PLPPR1: variants seen among roughly 807,000 people sequenced by gnomAD.
The protein encoded by PLPPR1 is phospholipid phosphatase related 1, also known as phospholipid phosphatase-related protein type 1.
PLPPR1 carries 10 observed loss-of-function variants against 33.1 expected under a neutral mutation model. The ratio of observed to expected loss-of-function variants is 0.30; its 90% confidence interval spans 0.19 to 0.51. The LOEUF is 0.51. Ranked by LOEUF, PLPPR1 falls within the 20% of genes least tolerant of loss-of-function variation. The pLI, the probability that PLPPR1 is intolerant of heterozygous loss-of-function variation, is 0.97. For missense variants in PLPPR1, 304 were observed against 408.1 expected, an observed-to-expected ratio of 0.74 and a Z score of 2.20; for synonymous variants, 151 against 151.0, an observed-to-expected ratio of 1.00 and a Z score of 0.00.
At chr9:101,289,075 C>T (rs1828447282) in intron 4 of PLPPR1, among the ~76,000 whole-genome samples, 1 of 152,184 alleles carries the variant, frequency 6.6e-6, no homozygotes, top group African/African-American at 2.4e-5. Flanking sequence ...GAGGCCCTCT[C>T]CCATCATGCT....
At chr9:101,085,688 G>A (rs750875330) in intron 1 of PLPPR1, among the ~76,000 whole-genome samples, 2 of 152,168 alleles carry the variant, frequency 1.3e-5, no homozygotes, top group African/African-American at 4.8e-5. Context: ...AATGGATCCC[G>A]TTATTCCTCA....
chr9:101,038,733 G>T (rs752172495), intron 1 of PLPPR1, among the ~76,000 whole-genome samples: 2 of 152,108 alleles, frequency 1.3e-5, no homozygotes, highest in Non-Finnish European at 2.9e-5. Flanking sequence ...CGGATTTCTG[G>T]CGCATTGAAA....
intron 2 of PLPPR1, among the ~76,000 whole-genome samples, chr9:101,202,165 C>G (rs16920059): frequency 2.0e-5 from 3 of 152,112 alleles, no homozygotes; most frequent in Non-Finnish European, 4.4e-5. Context: ...ATTGTATAAG[C>G]AATCACAAAT....
intron 2 of PLPPR1, among the ~76,000 whole-genome samples, chr9:101,232,149 T>C (rs754118756): frequency 5.3e-5 from 8 of 152,026 alleles, no homozygotes; most frequent in Non-Finnish European, 8.8e-5. Flanking sequence ...TTGAACTGAT[T>C]TGTGGGAGGC....
At chr9:101,232,696 G>A (rs941181333) in intron 2 of PLPPR1, among the ~76,000 whole-genome samples, 3 of 151,822 alleles carry the variant, frequency 2.0e-5, no homozygotes, top group Non-Finnish European at 2.9e-5. Flanking sequence ...CTACATCTGT[G>A]TTTTCATGGA....
At chr9:101,032,422 T>C (rs189704672) in intron 1 of PLPPR1, among the ~76,000 whole-genome samples, 1 of 152,262 alleles carries the variant, frequency 6.6e-6, no homozygotes, top group Non-Finnish European at 1.5e-5. Flanking sequence ...GAGATGTATC[T>C]GAAAGACAAG....
intron 4 of PLPPR1, among the ~76,000 whole-genome samples, chr9:101,308,141 T>C (rs1828888098): frequency 6.6e-6 from 1 of 152,134 alleles, no homozygotes; most frequent in African/African-American, 2.4e-5. Flanking sequence ...CCCTGGAAAC[T>C]GAATGTTACC....
At chr9:101,258,251 T>C (rs1157368242) in intron 2 of PLPPR1, among the ~76,000 whole-genome samples, 1 of 152,196 alleles carries the variant, frequency 6.6e-6, no homozygotes, top group Non-Finnish European at 1.5e-5. Context: ...TATTCACTTC[T>C]TGATGTCATT....
intron 2 of PLPPR1, among the ~76,000 whole-genome samples, chr9:101,266,597 A>G (rs1239331568): frequency 6.6e-6 from 1 of 152,080 alleles, no homozygotes; most frequent in African/African-American, 2.4e-5. Context: ...TCTGTTCTTT[A>G]TGTCCTGCAA....
chr9:101,048,241 G>C (rs968192368), intron 1 of PLPPR1, among the ~76,000 whole-genome samples: 1 of 152,160 alleles, frequency 6.6e-6, no homozygotes, highest in Non-Finnish European at 1.5e-5. Context: ...GGCTTGTTCT[G>C]TGTCCAAGAA....
intron 1 of PLPPR1, among the ~76,000 whole-genome samples, chr9:101,076,403 A>G (rs1395237996): frequency 6.6e-6 from 1 of 152,154 alleles, no homozygotes; most frequent in African/African-American, 2.4e-5. Context: ...TCTTTTATGT[A>G]TATGTTCTGA....
chr9:101,109,384 A>AT (rs1271624702), intron 1 of PLPPR1, among the ~76,000 whole-genome samples: 2 of 151,900 alleles, frequency 1.3e-5, no homozygotes, highest in Non-Finnish European at 2.9e-5. Flanking sequence ...TGAAACTTAG[A>AT]TTTCCCCAAG....
chr9:101,095,127 A>G (rs1390619360), intron 1 of PLPPR1, among the ~76,000 whole-genome samples: 2 of 152,208 alleles, frequency 1.3e-5, no homozygotes, highest in Admixed American at 1.3e-4. Flanking sequence ...GGAATGGTCC[A>G]TTAGTACCAT....
At chr9:101,057,960 C>CA (rs555038953) in intron 1 of PLPPR1, among the ~76,000 whole-genome samples, 7 of 152,064 alleles carry the variant, frequency 4.6e-5, no homozygotes, top group Non-Finnish European at 7.4e-5. Context: ...GGGAGTACAA[C>CA]ATGATGGCTT....
chr9:101,193,806 C>T (rs1373485742), intron 2 of PLPPR1, among the ~76,000 whole-genome samples: 1 of 152,136 alleles, frequency 6.6e-6, no homozygotes, highest in Admixed American at 6.5e-5. Context: ...ATAGATGTTA[C>T]ACTTGAGATT....
At chr9:101,108,991 C>G (rs1448540320) in intron 1 of PLPPR1, among the ~76,000 whole-genome samples, 1 of 149,460 alleles carries the variant, frequency 6.7e-6, no homozygotes, top group Non-Finnish European at 1.5e-5. Flanking sequence ...TGGAGTCTCC[C>G]TCTGTCACCC....
intron 1 of PLPPR1, among the ~76,000 whole-genome samples, chr9:101,040,817 A>G (rs1222102604): frequency 6.6e-6 from 1 of 152,178 alleles, no homozygotes; most frequent in East Asian, 1.9e-4. Context: ...TCATAAGATG[A>G]GGGACTCTGT....
chr9:101,139,073 T>C (rs1454321591), intron 1 of PLPPR1, among the ~76,000 whole-genome samples: 2 of 152,190 alleles, frequency 1.3e-5, no homozygotes, highest in African/African-American at 2.4e-5. Flanking sequence ...CTAAGTATCA[T>C]GTTTAATGAT....
At chr9:101,302,929 G>A (rs1015849353) in intron 4 of PLPPR1, among the ~76,000 whole-genome samples, 5 of 152,128 alleles carry the variant, frequency 3.3e-5, no homozygotes, top group Admixed American at 3.3e-4. Context: ...TCACGACATC[G>A]TTTTACCATA....
Sources: allele counts gnomAD v4.1 joint callset (sites outside exome capture counted in the v4.1 genomes callset), GRCh38; gene constraint gnomAD v4.1.1; transcripts MANE v1.5; gene names NCBI Gene and HGNC (gene_info 2026-07-23, HGNC 2026-07-21).